The following PKHD1 variants were observed in gnomAD, a reference collection of about 807,000 sequenced individuals.
PKHD1 encodes PKHD1 ciliary IPT domain containing fibrocystin/polyductin.
In PKHD1, 291 loss-of-function variants were observed where a neutral mutation model predicts 412.0. That is an observed-to-expected ratio of 0.71 (90% confidence interval 0.64 to 0.78). PKHD1 has a LOEUF of 0.78. Ranked by LOEUF, PKHD1 falls within the 30% of genes least tolerant of loss-of-function variation. The pLI is 0.00. For missense variants in PKHD1, 4,825 were observed against 4,950.7 expected, an observed-to-expected ratio of 0.97 and a Z score of 0.76; for synonymous variants, 1,777 against 1,821.5, an observed-to-expected ratio of 0.98 and a Z score of 0.62.
chr6:51,619,152 C>G lies in PKHD1; in HGVS notation c.12154G>C (p.Ala4052Pro). Reference sequence around the variant, plus strand: ...AATGCCTCAGTGGCCCCGCAGGAGGCTTTCTTCTCTTGGGAAAGCCCCAAG... The same window carrying G: ...AATGCCTCAGTGGCCCCGCAGGAGGGTTTCTTCTCTTGGGAAAGCCCCAAG... ...GSLGLSQEKK[A>P]SCGATEAFCL... The change falls in exon 67 of 67, where the codon GCC (alanine) becomes CCC (proline). Residue 4052 changes from alanine (A) to proline (P), a missense_variant. By Grantham distance (27) the Ala-to-Pro change is conservative. Coordinates refer to ENST00000371117, the MANE Select transcript of PKHD1 (RefSeq NM_138694.4). 1 of 1,614,254 alleles carries G rather than the reference C, an allele frequency of 6.2e-7. No homozygotes were observed. Among genetic ancestry groups the G allele is most frequent in the African/African-American group, 1.3e-5 (1 of 75,082 alleles).
intron 60 of PKHD1, among the ~76,000 whole-genome samples, chr6:51,728,280 C>T (rs1382099138): frequency 1.3e-5 from 2 of 152,126 alleles, no homozygotes; most frequent in African/African-American, 4.8e-5. Context: ...ATGGCAGCAT[C>T]CCCTTTGCCA....
intron 29 of PKHD1, among the ~76,000 whole-genome samples, chr6:52,029,719 G>T (rs1209115200): frequency 1.3e-5 from 2 of 152,190 alleles, no homozygotes; most frequent in African/African-American, 4.8e-5. Context: ...AGGAAAAAGA[G>T]AATTGGGTGA....
chr6:51,964,949 T>C (rs1005311616), intron 35 of PKHD1, among the ~76,000 whole-genome samples: 2 of 151,702 alleles, frequency 1.3e-5, no homozygotes, highest in Admixed American at 6.6e-5. Context: ...TTATACTTTT[T>C]TCTTGTTTTT....
intron 64 of PKHD1, among the ~76,000 whole-genome samples, chr6:51,635,602 A>G (rs1012462283): frequency 3.9e-5 from 6 of 152,044 alleles, no homozygotes; most frequent in African/African-American, 1.4e-4. Context: ...AAATACATAG[A>G]TACTATAAAG....
At chr6:52,022,216 G>A (rs2499484) in intron 33 of PKHD1, among the ~76,000 whole-genome samples, 1,524 of 152,190 alleles carry the variant, frequency 0.01, 33 homozygotes, top group African/African-American at 0.034. Context: ...TGATCACTAC[G>A]CAGCTTAAAG....
Position 51,659,057 on chromosome 6 carries a change from GC to G in PKHD1, c.11068del (p.Ala3690LeufsTer13). ...CTGTTGAGCAGTGATGACTCGATGA[GC>G]CAAATTCTGTAATTTGTTACTTGAT... Reference protein sequence around the residue: ...SLSSNKLQNLAHRVITAQQTG... With the variant: ...SLSSNKLQNLXHRVITAQQTG... On this transcript the variant is annotated frameshift_variant, in exon 61 of 67. Transcript: ENST00000371117. LOFTEE classifies it high-confidence loss of function. The G allele has an allele frequency of 6.2e-7, 1 of 1,613,498 alleles. No individual in the cohort carries two copies. The highest frequency in any genetic ancestry group is 8.5e-7 in the Non-Finnish European group (1 of 1,179,568).
intron 49 of PKHD1, among the ~76,000 whole-genome samples, chr6:51,850,761 A>G (rs895625207): frequency 6.6e-6 from 1 of 152,106 alleles, no homozygotes; most frequent in Non-Finnish European, 1.5e-5. Context: ...GAGACTTTGA[A>G]GCTGAAGTTG....
chr6:51,645,940 C>G (rs1282935186), intron 63 of PKHD1, among the ~76,000 whole-genome samples: 1 of 152,106 alleles, frequency 6.6e-6, no homozygotes, highest in African/African-American at 2.4e-5. Flanking sequence ...TGAATGCTTT[C>G]CTTTCTGAGG....
intron 41 of PKHD1, among the ~76,000 whole-genome samples, chr6:51,905,180 C>T (rs2474900): frequency 0.43 from 66,015 of 152,042 alleles, 15,150 homozygotes; most frequent in East Asian, 0.75. Flanking sequence ...GTTATATTCT[C>T]ACTTTCAGTG....
chr6:51,816,560 C>T (rs1765490480), intron 52 of PKHD1, among the ~76,000 whole-genome samples: 1 of 152,154 alleles, frequency 6.6e-6, no homozygotes. Context: ...TTAAGTCTGG[C>T]TTAAAGGCTT....
At chr6:51,899,721 CA>C (rs1347142776) in intron 43 of PKHD1, among the ~76,000 whole-genome samples, 1 of 152,190 alleles carries the variant, frequency 6.6e-6, no homozygotes, top group Non-Finnish European at 1.5e-5. Context: ...AAGACGAAGT[CA>C]AATTGTCCCT....
At chr6:52,006,837 C>T (rs1174086105) in intron 35 of PKHD1, among the ~76,000 whole-genome samples, 1 of 152,142 alleles carries the variant, frequency 6.6e-6, no homozygotes, top group African/African-American at 2.4e-5. Context: ...TTATCCCTCA[C>T]CCACCTCCCA....
chr6:51,783,477 A>G (rs1792366630), intron 53 of PKHD1, among the ~76,000 whole-genome samples: 2 of 150,136 alleles, frequency 1.3e-5, no homozygotes, highest in Admixed American at 1.3e-4. Flanking sequence ...TAAAAATATT[A>G]AAAGAAGATT....
chr6:52,082,265 CTT>C (rs1258198127), intron 4 of PKHD1, 125 bp downstream of exon 4: 2 of 962,946 alleles, frequency 2.1e-6, no homozygotes, highest in Admixed American at 3.5e-5. Context: ...TCACATGAAA[CTT>C]TTTTTAACAA....
intron 52 of PKHD1, among the ~76,000 whole-genome samples, chr6:51,804,057 T>A (rs1763332865): frequency 6.6e-6 from 1 of 151,348 alleles, no homozygotes; most frequent in Admixed American, 6.6e-5. Flanking sequence ...TGAAGTCCTT[T>A]TAGTATTTGC....
At chr6:51,862,747 C>G (rs1052188740) in intron 48 of PKHD1, among the ~76,000 whole-genome samples, 1 of 152,134 alleles carries the variant, frequency 6.6e-6, no homozygotes, top group African/African-American at 2.4e-5. Context: ...CTTTTATTTT[C>G]CAGGAGAGGT....
At chr6:51,629,453 G>A (rs664250) in intron 65 of PKHD1, among the ~76,000 whole-genome samples, 6,504 of 151,934 alleles carry the variant, frequency 0.043, 233 homozygotes, top group African/African-American at 0.093. Flanking sequence ...CCAAAAGTAT[G>A]TGAAAAAAAT....
chr6:51,975,963 T>TGAAAAAAAAA lies in PKHD1; in HGVS notation c.5752-15938_5752-15937insTTTTTTTTTC, dbSNP rs1231391714. 30 of 69,776 alleles carry TGAAAAAAAAA rather than the reference T, an allele frequency of 4.3e-4. 3 individuals are homozygous for TGAAAAAAAAA. Among genetic ancestry groups the TGAAAAAAAAA allele is most frequent in the African/African-American group, 1.2e-3 (22 of 18,508 alleles). The allele number at this position is 69,776 out of a possible 1,614,324, so 4.3% of individuals were successfully genotyped here. ...AACATAGCGAGACCCTTTCTCTAAT[T>TGAAAAAAAAA]AAAAAAAAAAAAAAAAAAAAAAAAA... is the stretch of plus-strand genomic sequence containing the variant. On this transcript the variant is annotated intron_variant, in intron 35 of 66. Coordinates refer to ENST00000371117, the MANE Select transcript of PKHD1 (RefSeq NM_138694.4).
intron 60 of PKHD1, among the ~76,000 whole-genome samples, chr6:51,674,973 T>TA (rs1775604744): frequency 6.6e-6 from 1 of 152,192 alleles, no homozygotes; most frequent in African/African-American, 2.4e-5. Flanking sequence ...CTTCATAAAT[T>TA]AAAAAATATA....
Sources: allele counts gnomAD v4.1 joint callset (sites outside exome capture counted in the v4.1 genomes callset), GRCh38; gene constraint gnomAD v4.1.1; transcripts MANE v1.5; gene names NCBI Gene and HGNC (gene_info 2026-07-23, HGNC 2026-07-21).